Variants in TNNI3K observed in about 807,000 individuals in gnomAD.
TNNI3K encodes the protein TNNI3 interacting kinase, also known as serine/threonine-protein kinase TNNI3K.
TNNI3K carries 140 observed loss-of-function variants against 114.5 expected under a neutral mutation model. That is an observed-to-expected ratio of 1.22 (90% CI 1.07 to 1.41). TNNI3K has a LOEUF of 1.41. Among genes scored for constraint, TNNI3K ranks in the 40% most tolerant of loss-of-function variants. The pLI, the probability that TNNI3K is intolerant of heterozygous loss-of-function variation, is 0.00. For missense variants in TNNI3K, 1,125 were observed against 1,007.6 expected, an observed-to-expected ratio of 1.12 and a Z score of -1.58; for synonymous variants, 347 against 347.5, an observed-to-expected ratio of 1.00 and a Z score of 0.02.
At chr1:74,381,027 A>G (rs1051950595) in intron 17 of TNNI3K, among the ~76,000 whole-genome samples, 53 of 152,174 alleles carry the variant, frequency 3.5e-4, no homozygotes, top group African/African-American at 1.3e-3. Flanking sequence ...TTGGCCTTGA[A>G]AAAGAGATAC....
chr1:74,262,934 A>G (rs544989773), intron 4 of TNNI3K, among the ~76,000 whole-genome samples: 2 of 152,194 alleles, frequency 1.3e-5, no homozygotes, highest in Admixed American at 1.3e-4. Context: ...TATGCTGTGT[A>G]TGCTACTGTA....
Position 74,383,481 on chromosome 1 carries a change from T to C in TNNI3K, c.1772+13089T>C, listed in dbSNP as rs560785534. Among the ~76,000 whole-genome samples, 7 of 152,100 alleles carry C rather than the reference T, an allele frequency of 4.6e-5. No individual in the cohort carries two copies. In the East Asian group the frequency reaches 1.4e-3, roughly 30 times the overall value. Reference sequence around the variant, plus strand: ...TCCTCACACTTTCTCCATAAAACTTTCCTTCTAACTCCTGTCTATCCCAAA... The same window carrying C: ...TCCTCACACTTTCTCCATAAAACTTCCCTTCTAACTCCTGTCTATCCCAAA... On this transcript the variant is annotated intron_variant, in intron 17 of 24. Coordinates refer to ENST00000326637, the MANE Select transcript of TNNI3K (RefSeq NM_015978.3).
intron 17 of TNNI3K, among the ~76,000 whole-genome samples, chr1:74,421,120 A>G (rs1428908366): frequency 6.6e-6 from 1 of 152,100 alleles, no homozygotes; most frequent in Non-Finnish European, 1.5e-5. Flanking sequence ...TGGAAGAGCA[A>G]TTACTGGAAT....
intron 23 of TNNI3K, among the ~76,000 whole-genome samples, chr1:74,518,037 C>T (rs17095501): frequency 0.082 from 12,460 of 152,182 alleles, 1,136 homozygotes; most frequent in African/African-American, 0.22. Flanking sequence ...GCGATGACCT[C>T]GCCAGAATAG....
chr1:74,272,214 G>C (rs1656394010), intron 5 of TNNI3K, among the ~76,000 whole-genome samples: 1 of 151,848 alleles, frequency 6.6e-6, no homozygotes, highest in Admixed American at 6.6e-5. Flanking sequence ...TGTTTTAGAT[G>C]CTGGGATGAC....
intron 17 of TNNI3K, among the ~76,000 whole-genome samples, chr1:74,423,076 AT>A (rs1665475826): frequency 6.6e-6 from 1 of 151,904 alleles, no homozygotes; most frequent in South Asian, 2.1e-4. Context: ...TTCTCATTAG[AT>A]TTTCTAAACA....
chr1:74,270,205 A>G (rs182587907), intron 4 of TNNI3K, among the ~76,000 whole-genome samples: 346 of 151,840 alleles, frequency 2.3e-3, no homozygotes, highest in Non-Finnish European at 4.0e-3. Flanking sequence ...TCAATGTAGA[A>G]TAAGTATGGT....
chr1:74,405,538 G>A (rs955671889), intron 17 of TNNI3K, among the ~76,000 whole-genome samples: 1 of 152,110 alleles, frequency 6.6e-6, no homozygotes, highest in African/African-American at 2.4e-5. Flanking sequence ...GAACTAGAGA[G>A]GTTTTTAAAA....
At chr1:74,455,570 C>T (rs1282318462) in intron 20 of TNNI3K, among the ~76,000 whole-genome samples, 1 of 151,984 alleles carries the variant, frequency 6.6e-6, no homozygotes, top group Non-Finnish European at 1.5e-5. Flanking sequence ...CCAAGAAATC[C>T]CACAATATGC....
At chr1:74,533,227 C>A (rs1172871616) in intron 23 of TNNI3K, among the ~76,000 whole-genome samples, 1 of 152,254 alleles carries the variant, frequency 6.6e-6, no homozygotes, top group East Asian at 1.9e-4. Context: ...AAAAAACAAA[C>A]ATCCCCATCA....
At chr1:74,242,004 C>T (rs1439663257) in intron 2 of TNNI3K, among the ~76,000 whole-genome samples, 2 of 151,980 alleles carry the variant, frequency 1.3e-5, no homozygotes, top group Non-Finnish European at 2.9e-5. Flanking sequence ...CACCCACCAC[C>T]ACACCTGGCT....
At chr1:74,289,720 A>G (rs1216202535) in intron 5 of TNNI3K, among the ~76,000 whole-genome samples, 2 of 151,948 alleles carry the variant, frequency 1.3e-5, no homozygotes, top group Admixed American at 6.6e-5. Flanking sequence ...CATTCAGATT[A>G]TTTATATCTG....
chr1:74,296,862 G>A lies in TNNI3K; in HGVS notation c.444+25154G>A, dbSNP rs79404037. On this transcript the variant is annotated intron_variant, in intron 5 of 24. Transcript: ENST00000326637. ...ATCTTGCTATTTTAAATTTTTTTCC[G>A]TTGGTGTTATCAGTTTTACCATGAT... Among the ~76,000 whole-genome samples, 859 of 151,882 alleles carry A rather than the reference G, an allele frequency of 5.7e-3. 10 individuals carry two copies. The highest frequency in any genetic ancestry group is 0.02 in the African/African-American group (817 of 41,398).
At chr1:74,498,402 C>T (rs2100330556) in intron 23 of TNNI3K, among the ~76,000 whole-genome samples, 1 of 152,264 alleles carries the variant, frequency 6.6e-6, no homozygotes, top group Non-Finnish European at 1.5e-5. Context: ...CGTTATAATT[C>T]ATGTTATTTT....
At chr1:74,372,616 A>G (rs567942497) in intron 17 of TNNI3K, 2 of 152,062 alleles carry the variant, frequency 1.3e-5, no homozygotes, top group Non-Finnish European at 2.9e-5. Flanking sequence ...TTAGCATAAT[A>G]TAAACCGATG....
Position 74,336,041 on chromosome 1 carries a change from G to C in TNNI3K, c.574G>C (p.Asp192His), listed in dbSNP as rs201431137. Residue 192 changes from aspartate (D) to histidine (H), a missense_variant, in exon 7 of 25, where the codon GAT becomes CAT. By Grantham distance (81) the Asp-to-His change is moderately conservative (BLOSUM62 -1). Coordinates refer to ENST00000326637, the MANE Select transcript of TNNI3K (RefSeq NM_015978.3). ...VTRLLLKFGA[D>H]VNVSGEVGDR... is the part of the protein sequence containing the mutation. Reference sequence around the variant, plus strand: ...TCGCCTTCTTTTGAAATTTGGTGCTGATGTAAATGTAAGTGGTGAAGTTGG... The same window carrying C: ...TCGCCTTCTTTTGAAATTTGGTGCTCATGTAAATGTAAGTGGTGAAGTTGG... The C allele has an allele frequency of 1.3e-6, 2 of 1,588,210 alleles. No homozygotes were observed. Among genetic ancestry groups the C allele is most frequent in the Non-Finnish European group, 1.7e-6 (2 of 1,172,418 alleles).
intron 17 of TNNI3K, among the ~76,000 whole-genome samples, chr1:74,382,530 A>T (rs896927506): frequency 1.3e-5 from 2 of 152,172 alleles, no homozygotes; most frequent in Non-Finnish European, 2.9e-5. Context: ...CTGAAGGTGA[A>T]AGGTTTTGTT....
At position 74,250,695 on chromosome 1, in the gene TNNI3K, C is replaced by CT. The variant is rs1305730200; in HGVS notation, c.261dup (p.Met88TyrfsTer26). On this transcript the variant is annotated frameshift_variant, in exon 4 of 25. Transcript: ENST00000326637. LOFTEE classifies it high-confidence loss of function. The stretch of plus-strand genomic sequence containing the variant: ...AGGCAAGAAATCACATATTCGAACT[C>CT]TTATGTTGAAAGGGCTCCGCCCATC... 6.2e-7 allele frequency: 1 copy of CT among 1,611,736 alleles called. No homozygotes were observed. Among genetic ancestry groups the CT allele is most frequent in the East Asian group, 2.2e-5 (1 of 44,796 alleles).
At chr1:74,259,019 C>A (rs1655506198) in intron 4 of TNNI3K, among the ~76,000 whole-genome samples, 1 of 152,138 alleles carries the variant, frequency 6.6e-6, no homozygotes, top group South Asian at 2.1e-4. Context: ...TAGCATCCAC[C>A]CCAACTAAAA....
Sources: allele counts gnomAD v4.1 joint callset (sites outside exome capture counted in the v4.1 genomes callset), GRCh38; gene constraint gnomAD v4.1.1; transcripts MANE v1.5; gene names NCBI Gene and HGNC (gene_info 2026-07-23, HGNC 2026-07-21).